AHI1: variants seen among roughly 807,000 people sequenced by gnomAD.
The protein encoded by AHI1 is Abelson helper integration site 1.
Under a neutral mutation model 149.3 loss-of-function variants are expected in AHI1, and 123 were observed. That is an observed-to-expected ratio of 0.82 (90% confidence interval 0.71 to 0.96). AHI1 has a LOEUF of 0.96. Among genes scored for constraint, AHI1 ranks in the 40% least tolerant of loss-of-function variants. The pLI is 0.00. For missense variants in AHI1, 1,439 were observed against 1,422.7 expected, an observed-to-expected ratio of 1.01 and a Z score of -0.18; for synonymous variants, 475 against 459.8, an observed-to-expected ratio of 1.03 and a Z score of -0.42.
chr6:135,431,348 T>C (rs768875772), intron 16 of AHI1, 34 bp from the exon 17 acceptor site: 3 of 1,329,904 alleles, frequency 2.3e-6, no homozygotes, highest in Admixed American at 3.8e-5. Flanking sequence ...CACTTATGAA[T>C]GTCACACAGA....
intron 15 of AHI1, 28 bp from the exon 16 acceptor site, chr6:135,433,284 G>A: frequency 6.7e-7 from 1 of 1,496,336 alleles, no homozygotes. Flanking sequence ...GTTACATATT[G>A]CTTCTGAAAA....
chr6:135,483,013 TC>T (rs1793945458), intron 5 of AHI1, among the ~76,000 whole-genome samples: 1 of 150,242 alleles, frequency 6.7e-6, no homozygotes, highest in Admixed American at 6.7e-5. Flanking sequence ...TGCCTCGGCC[TC>T]CCAAGTAGCT....
At chr6:135,308,043 G>A (rs896050360) in intron 26 of AHI1, among the ~76,000 whole-genome samples, 21 of 152,082 alleles carry the variant, frequency 1.4e-4, no homozygotes, top group South Asian at 4.1e-4. Context: ...TTAGGGTGAC[G>A]GAGAACTTCC....
rs117447608 is a variant in AHI1 at position 135,318,577 on chromosome 6, G to A, written c.3368C>T (p.Ser1123Phe). ...QELPPEIKERSPPLSPEEKTK... is the reference protein window; with the variant it reads ...QELPPEIKERFPPLSPEEKTK... ...TTTTTCCTCAGGGCTTAAAGGAGGG[G>A]ATCGCTCCTTTATCTCAGGAGGCAG... Residue 1123 changes from serine to phenylalanine, a missense_variant, in exon 26 of 29, where the codon TCC (serine) becomes TTC (phenylalanine). By Grantham distance (155) the Ser-to-Phe change is radical. Coordinates refer to ENST00000265602, the MANE Select transcript of AHI1 (RefSeq NM_001134831.2). 11,380 of 1,605,928 alleles carry A rather than the reference G, an allele frequency of 7.1e-3. 53 individuals carry two copies. Among genetic ancestry groups the A allele is most frequent in the Non-Finnish European group, 8.8e-3 (10,300 of 1,176,086 alleles).
chr6:135,380,294 C>CT (rs1180711655), intron 23 of AHI1, among the ~76,000 whole-genome samples: 1 of 151,922 alleles, frequency 6.6e-6, no homozygotes, highest in African/African-American at 2.4e-5. Context: ...AACACATAGA[C>CT]TTTTTTCTTG....
At chr6:135,363,924 C>T (rs1454439942) in intron 23 of AHI1, among the ~76,000 whole-genome samples, 13 of 141,442 alleles carry the variant, frequency 9.2e-5, no homozygotes, top group South Asian at 9.1e-4. Context: ...CCGGATGGGG[C>T]GGCTGGCCGG....
At chr6:135,496,160 A>C (rs1164311550) in intron 2 of AHI1, among the ~76,000 whole-genome samples, 1 of 151,818 alleles carries the variant, frequency 6.6e-6, no homozygotes, top group African/African-American at 2.4e-5. Flanking sequence ...TCTGTTGCCC[A>C]GGTTGGAGTG....
rs146126690 is a variant in AHI1 at position 135,402,535 on chromosome 6, G to A, written c.2988+2416C>T. Among the ~76,000 whole-genome samples, 416 of 152,126 alleles carry A rather than the reference G, an allele frequency of 2.7e-3. 10 individuals are homozygous for A. The highest frequency in any genetic ancestry group is 0.024 in the Admixed American group (366 of 15,266). On this transcript the variant is annotated intron_variant, in intron 22 of 28. Coordinates refer to ENST00000265602, the MANE Select transcript of AHI1 (RefSeq NM_001134831.2). Reference sequence around the variant, plus strand: ...GAACAACATGAGTTTGAACTGTGCAGGTCCACCTATAGGTGGATTTTTTTT... The same window carrying A: ...GAACAACATGAGTTTGAACTGTGCAAGTCCACCTATAGGTGGATTTTTTTT...
In AHI1 at chr6:135,294,635, C is replaced by A. The variant is rs112905725; in HGVS notation, c.3486-4110G>T. Among the ~76,000 whole-genome samples, 1,367 of 146,890 alleles carry A rather than the reference C, an allele frequency of 9.3e-3. 16 individuals are homozygous for A. The highest frequency in any genetic ancestry group is 0.013 in the Non-Finnish European group (882 of 67,420). On this transcript the variant is annotated intron_variant, in intron 27 of 28. Transcript: ENST00000265602. ...GCTGATTTCAGCAAAGGTGCAAAGG[C>A]CATTCAGTTGAGACAGAGTTGTTTT...
At chr6:135,426,713 CTTA>C (rs1269118214) in intron 20 of AHI1, among the ~76,000 whole-genome samples, 1 of 151,642 alleles carries the variant, frequency 6.6e-6, no homozygotes, top group Non-Finnish European at 1.5e-5. Flanking sequence ...TTTTTATTTC[CTTA>C]TTATTTCTCA....
At chr6:135,380,652 G>A (rs1464490920) in intron 23 of AHI1, among the ~76,000 whole-genome samples, 1 of 151,004 alleles carries the variant, frequency 6.6e-6, no homozygotes, top group Non-Finnish European at 1.5e-5. Flanking sequence ...TATGCACTGG[G>A]TACTTACTGA....
At chr6:135,349,574 C>T (rs540633606) in intron 24 of AHI1, among the ~76,000 whole-genome samples, 63 of 152,180 alleles carry the variant, frequency 4.1e-4, no homozygotes, top group Non-Finnish European at 7.3e-4. Context: ...CCTATGCCCA[C>T]TTATTAAGCG....
intron 24 of AHI1, 135 bp downstream of exon 24, chr6:135,357,997 T>C: frequency 2.9e-6 from 2 of 700,494 alleles, no homozygotes; most frequent in Non-Finnish European, 4.9e-6. Flanking sequence ...ACAACATTAA[T>C]ATGAACAAAT....
At position 135,463,129 on chromosome 6, in the gene AHI1, T is replaced by G; in HGVS notation, c.927A>C (p.Lys309Asn). The G allele has an allele frequency of 6.3e-7, 1 of 1,577,062 alleles. No individual in the cohort carries two copies. Among genetic ancestry groups the G allele is most frequent in the Non-Finnish European group, 8.6e-7 (1 of 1,163,868 alleles). ...PKPKKTKKKTKAVADNNEDVD... is the reference protein window; with the variant it reads ...PKPKKTKKKTNAVADNNEDVD... ...CATTTAATTTGTATAGCAAACCTGC[T>G]TTAGTCTTCTTTTTTGTTTTTTTTG... Residue 309 changes from lysine to asparagine, a missense_variant, in exon 8 of 29, where the codon AAA (lysine) becomes AAC (asparagine). Transcript: ENST00000265602.
At chr6:135,431,677 T>C (rs1336403383) in intron 16 of AHI1, among the ~76,000 whole-genome samples, 3 of 152,164 alleles carry the variant, frequency 2.0e-5, no homozygotes, top group Non-Finnish European at 4.4e-5. Flanking sequence ...TATTAACCCA[T>C]AAATCTGTTT....
intron 16 of AHI1, 90 bp downstream of exon 16, chr6:135,432,937 G>A: frequency 1.1e-6 from 1 of 944,844 alleles, no homozygotes; most frequent in Non-Finnish European, 1.7e-6. Flanking sequence ...GCAATCATCA[G>A]TACATAACCC....
At chr6:135,403,834 C>T (rs2128496939) in intron 22 of AHI1, among the ~76,000 whole-genome samples, 1 of 151,900 alleles carries the variant, frequency 6.6e-6, no homozygotes, top group East Asian at 1.9e-4. Context: ...ATTCCATATC[C>T]TGTTGACTTG....
intron 5 of AHI1, among the ~76,000 whole-genome samples, chr6:135,488,062 A>C (rs1488764974): frequency 6.6e-6 from 1 of 152,142 alleles, no homozygotes; most frequent in Non-Finnish European, 1.5e-5. Context: ...TTTTGGATTT[A>C]GTGTTTTTAC....
intron 20 of AHI1, among the ~76,000 whole-genome samples, chr6:135,413,094 T>C (rs967801371): frequency 6.6e-6 from 1 of 152,048 alleles, no homozygotes; most frequent in Non-Finnish European, 1.5e-5. Context: ...TCTGGGAGGC[T>C]GAGGTGGGAG....
Sources: allele counts gnomAD v4.1 joint callset (sites outside exome capture counted in the v4.1 genomes callset), GRCh38; gene constraint gnomAD v4.1.1; transcripts MANE v1.5; gene names NCBI Gene and HGNC (gene_info 2026-07-23, HGNC 2026-07-21).